Variants in EDIL3 observed in about 807,000 individuals in gnomAD.
The protein encoded by EDIL3 is EGF like and discoidin domains 3.
A neutral mutation model predicts 67.4 loss-of-function variants in EDIL3; 37 were observed. The ratio of observed to expected loss-of-function variants is 0.55; its 90% CI spans 0.42 to 0.72. EDIL3 has a LOEUF of 0.72. EDIL3 is among the 30% of genes least tolerant of loss of function. The pLI is 0.00. For synonymous variants in EDIL3, 195 were observed against 196.3 expected (o/e 0.99, Z 0.05); for missense variants, 527 against 586.3 (o/e 0.90, Z 1.04).
chr5:84,068,602 CAGTT>C (rs1746682520), intron 6 of EDIL3, among the ~76,000 whole-genome samples: 2 of 152,122 alleles, frequency 1.3e-5, no homozygotes, highest in Admixed American at 1.3e-4. Flanking sequence ...GATGGAACTG[CAGTT>C]AGTTAAGCAT....
intron 1 of EDIL3, among the ~76,000 whole-genome samples, chr5:84,300,646 C>A (rs1197502584): frequency 1.3e-5 from 2 of 152,142 alleles, no homozygotes; most frequent in Non-Finnish European, 2.9e-5. Flanking sequence ...CATATTCTAA[C>A]AAATAGCACA....
intron 1 of EDIL3, among the ~76,000 whole-genome samples, chr5:84,278,896 GGA>G (rs1487922335): frequency 6.6e-6 from 1 of 152,050 alleles, no homozygotes; most frequent in Non-Finnish European, 1.5e-5. Context: ...ATCACACAAA[GGA>G]GAGTGTGGTA....
intron 1 of EDIL3, among the ~76,000 whole-genome samples, chr5:84,363,228 GCAGGTCGATCAGGAGGT>G (rs1340500800): frequency 6.6e-6 from 1 of 152,004 alleles, no homozygotes; most frequent in Non-Finnish European, 1.5e-5. Flanking sequence ...TCAGGCTGAG[GCAGGTCGATCAGGAGGT>G]CAAGAGATTG....
chr5:84,271,037 A>G (rs1024650514), intron 1 of EDIL3, among the ~76,000 whole-genome samples: 3 of 152,182 alleles, frequency 2.0e-5, no homozygotes, highest in Non-Finnish European at 4.4e-5. Flanking sequence ...GGTCTACCCA[A>G]TTTATTCTTT....
chr5:84,274,337 A>C (rs2112099730), intron 1 of EDIL3, among the ~76,000 whole-genome samples: 1 of 152,228 alleles, frequency 6.6e-6, no homozygotes, highest in South Asian at 2.1e-4. Flanking sequence ...CCTGGACTCA[A>C]GCAATCCTCC....
intron 9 of EDIL3, among the ~76,000 whole-genome samples, chr5:83,979,798 T>C (rs73771559): frequency 0.025 from 3,852 of 152,160 alleles, 126 homozygotes; most frequent in South Asian, 0.095. Flanking sequence ...GAGGTCTAGA[T>C]TGGACATATA....
At chr5:84,045,882 A>G (rs1457460106) in intron 9 of EDIL3, among the ~76,000 whole-genome samples, 1 of 152,220 alleles carries the variant, frequency 6.6e-6, no homozygotes, top group East Asian at 1.9e-4. Context: ...GACATTTACA[A>G]TCATAAATGT....
Position 83,941,541 on chromosome 5 carries a change from G to C in EDIL3, c.*1878C>G, listed in dbSNP as rs1744223507. 2 of 152,134 alleles carry C rather than the reference G, an allele frequency of 1.3e-5. No homozygotes were observed. The highest frequency in any genetic ancestry group is 4.1e-4 in the South Asian group (2 of 4,826). 9.4% of individuals were successfully genotyped at this position (152,134 alleles called of 1,614,324 possible). On this transcript the variant is annotated 3_prime_UTR_variant, in exon 11 of 11. Coordinates refer to ENST00000296591, the MANE Select transcript of EDIL3 (RefSeq NM_005711.5). ...TAAACCTTGAAAGAAACTGGCTAAA[G>C]AGTAAGTGTGTGTATATTTCTGAAC... is the stretch of plus-strand genomic sequence containing the variant.
intron 3 of EDIL3, among the ~76,000 whole-genome samples, chr5:84,202,345 C>T (rs1463989151): frequency 4.6e-5 from 7 of 152,110 alleles, no homozygotes; most frequent in Non-Finnish European, 7.3e-5. Flanking sequence ...GATGAGCTTT[C>T]TCCTGAGCCA....
At chr5:83,947,110 T>G (rs1013687683) in intron 10 of EDIL3, among the ~76,000 whole-genome samples, 1 of 151,902 alleles carries the variant, frequency 6.6e-6, no homozygotes, top group Non-Finnish European at 1.5e-5. Context: ...TGCCCCCTTA[T>G]AGATTTCATT....
intron 3 of EDIL3, among the ~76,000 whole-genome samples, chr5:84,220,711 G>T (rs1291847908): frequency 6.6e-6 from 1 of 152,088 alleles, no homozygotes; most frequent in African/African-American, 2.4e-5. Flanking sequence ...TTCAAAGAAA[G>T]CTAAAATAAA....
At chr5:84,340,327 T>C (rs2112176122) in intron 1 of EDIL3, among the ~76,000 whole-genome samples, 1 of 151,918 alleles carries the variant, frequency 6.6e-6, no homozygotes, top group Non-Finnish European at 1.5e-5. Context: ...CCTTGAAAAG[T>C]TATTTAACCC....
intron 9 of EDIL3, among the ~76,000 whole-genome samples, chr5:84,044,123 G>A (rs1398688591): frequency 1.3e-5 from 2 of 151,898 alleles, no homozygotes; most frequent in East Asian, 3.9e-4. Flanking sequence ...TGTTCTCATT[G>A]TTTAAATCCC....
intron 9 of EDIL3, among the ~76,000 whole-genome samples, chr5:84,012,890 A>G (rs1188338761): frequency 6.6e-6 from 1 of 152,052 alleles, no homozygotes; most frequent in African/African-American, 2.4e-5. Context: ...TCACTTTAGA[A>G]GACTCTAACT....
chr5:84,118,370 G>T (rs907432803), intron 5 of EDIL3, among the ~76,000 whole-genome samples: 2 of 152,056 alleles, frequency 1.3e-5, no homozygotes, highest in Non-Finnish European at 2.9e-5. Flanking sequence ...TATATTTATA[G>T]ATTAATTAGA....
intron 3 of EDIL3, among the ~76,000 whole-genome samples, chr5:84,190,415 T>G (rs1028260214): frequency 6.6e-6 from 1 of 151,884 alleles, no homozygotes; most frequent in African/African-American, 2.4e-5. Flanking sequence ...CACATCAGCT[T>G]GCAGTGCAAA....
chr5:83,989,854 G>T (rs1712847756), intron 9 of EDIL3, among the ~76,000 whole-genome samples: 1 of 152,154 alleles, frequency 6.6e-6, no homozygotes, highest in African/African-American at 2.4e-5. Context: ...TAGCTGGCTT[G>T]ATACAGTCAG....
chr5:84,283,911 A>G (rs934152370), intron 1 of EDIL3, among the ~76,000 whole-genome samples: 1 of 152,060 alleles, frequency 6.6e-6, no homozygotes, highest in African/African-American at 2.4e-5. Flanking sequence ...CACACCACTC[A>G]TCCAGCTGTA....
At chr5:84,337,467 A>C (rs892651334) in intron 1 of EDIL3, among the ~76,000 whole-genome samples, 2 of 152,110 alleles carry the variant, frequency 1.3e-5, no homozygotes, top group African/African-American at 4.8e-5. Context: ...CTAATAATAA[A>C]AATTGTAGTC....
Sources: allele counts gnomAD v4.1 joint callset (sites outside exome capture counted in the v4.1 genomes callset), GRCh38; gene constraint gnomAD v4.1.1; transcripts MANE v1.5; gene names NCBI Gene and HGNC (gene_info 2026-07-23, HGNC 2026-07-21).